Variants in EYS observed in about 807,000 individuals in gnomAD.
EYS encodes EGF-like photoreceptor maintenance factor.
A neutral mutation model predicts 282.1 loss-of-function variants in EYS; 250 were observed. The observed-to-expected ratio is 0.89, with a 90% confidence interval of 0.80 to 0.98. The LOEUF is 0.98. EYS is among the 50% of genes least tolerant of loss of function. The pLI is 0.00. For synonymous variants in EYS, 1,355 were observed against 1,282.9 expected, an observed-to-expected ratio of 1.06 and a Z score of -1.20; for missense variants, 4,016 against 3,709.0, an observed-to-expected ratio of 1.08 and a Z score of -2.15.
chr6:64,454,138 A>C (rs1207116390), intron 26 of EYS, among the ~76,000 whole-genome samples: 1 of 152,126 alleles, frequency 6.6e-6, no homozygotes. Flanking sequence ...ATAACATACA[A>C]AACAATCATC....
rs753300333 is a variant in EYS at position 65,603,390 on chromosome 6, A to G, written c.-333+36388T>C. 7.2e-5 allele frequency among the ~76,000 whole-genome samples: 11 copies of G among 151,968 alleles called. No individual in the cohort carries two copies. The South Asian group carries it at 8.3e-4, about 11-fold the overall frequency. ...GAATGATGGTCATTTGTCAATTGGG[A>G]TAATATCTCTGTAAGGTGTATGAGG... On this transcript the variant is annotated intron_variant, in intron 2 of 42. Transcript: ENST00000503581.
Position 64,600,427 on chromosome 6 carries a change from T to TA in EYS, c.3685-7119dup, listed in dbSNP as rs980188734. ...TGAAGATATCATTTACCCATAATAA[T>TA]AAAAAAACTCTAGTAATAATCAAAT... is the stretch of plus-strand genomic sequence containing the variant. On this transcript the variant is annotated intron_variant, in intron 24 of 42. Coordinates refer to ENST00000503581, the MANE Select transcript of EYS (RefSeq NM_001142800.2). 1.3e-4 allele frequency among the ~76,000 whole-genome samples: 20 copies of TA among 152,164 alleles called. No homozygotes were observed. In the South Asian group the frequency reaches 2.3e-3, roughly 17 times the overall value.
At chr6:64,324,574 G>A (rs562146024) in intron 29 of EYS, among the ~76,000 whole-genome samples, 1 of 152,216 alleles carries the variant, frequency 6.6e-6, no homozygotes, top group South Asian at 2.1e-4. Flanking sequence ...AGACAAGGAT[G>A]CCCCTCACAT....
intron 2 of EYS, among the ~76,000 whole-genome samples, chr6:65,622,009 A>G (rs1766518835): frequency 6.6e-6 from 1 of 152,146 alleles, no homozygotes; most frequent in Non-Finnish European, 1.5e-5. Flanking sequence ...ACAAAACTAA[A>G]AATAAGCAGT....
intron 13 of EYS, among the ~76,000 whole-genome samples, chr6:65,052,960 C>CA (rs1191049621): frequency 6.6e-6 from 1 of 151,544 alleles, no homozygotes; most frequent in Non-Finnish European, 1.5e-5. Flanking sequence ...CTACAGATAT[C>CA]AAAAAATATA....
intron 22 of EYS, among the ~76,000 whole-genome samples, chr6:64,812,823 A>T (rs1428013859): frequency 6.6e-6 from 1 of 151,992 alleles, no homozygotes; most frequent in African/African-American, 2.4e-5. Context: ...CAAATGACCA[A>T]TCCATTGGAT....
chr6:65,554,181 T>C (rs372253603), intron 2 of EYS, among the ~76,000 whole-genome samples: 1 of 152,162 alleles, frequency 6.6e-6, no homozygotes, highest in East Asian at 1.9e-4. Context: ...CTGTGTTAAA[T>C]TTTTGTTGTT....
At chr6:65,600,384 A>G (rs372982813) in intron 2 of EYS, among the ~76,000 whole-genome samples, 27 of 152,010 alleles carry the variant, frequency 1.8e-4, no homozygotes, top group Admixed American at 1.6e-3. Context: ...TTTTCTCCTC[A>G]TTGTTATTCC....
intron 19 of EYS, among the ~76,000 whole-genome samples, chr6:64,873,259 G>T (rs1583245972): frequency 6.6e-6 from 1 of 152,026 alleles, no homozygotes; most frequent in Non-Finnish European, 1.5e-5. Context: ...ATCAGATCTT[G>T]TGAGACTTAT....
At chr6:65,023,849 C>T (rs770035725) in intron 13 of EYS, among the ~76,000 whole-genome samples, 3 of 152,186 alleles carry the variant, frequency 2.0e-5, no homozygotes, top group Non-Finnish European at 4.4e-5. Flanking sequence ...CCTTCATATA[C>T]CACCACCTAG....
chr6:65,047,369 T>C (rs1446800968), intron 13 of EYS, among the ~76,000 whole-genome samples: 1 of 151,904 alleles, frequency 6.6e-6, no homozygotes, highest in Non-Finnish European at 1.5e-5. Flanking sequence ...CTGTTGATCT[T>C]GACAAAGTCC....
At chr6:65,449,044 C>T (rs1764306692) in intron 5 of EYS, among the ~76,000 whole-genome samples, 2 of 152,096 alleles carry the variant, frequency 1.3e-5, no homozygotes, top group Non-Finnish European at 2.9e-5. Context: ...ATATGCAATG[C>T]TTAATTTGCT....
At chr6:64,229,190 A>T (rs1381275519) in intron 31 of EYS, among the ~76,000 whole-genome samples, 1 of 152,072 alleles carries the variant, frequency 6.6e-6, no homozygotes, top group Non-Finnish European at 1.5e-5. Flanking sequence ...TAGGAGAATC[A>T]CTTGAACCTG....
intron 26 of EYS, among the ~76,000 whole-genome samples, chr6:64,521,949 A>C (rs548010501): frequency 6.6e-6 from 1 of 151,866 alleles, no homozygotes; most frequent in Admixed American, 6.6e-5. Context: ...ACTTATTTGC[A>C]ATGAGAAACA....
rs143229630 is a variant in EYS at position 64,979,750 on chromosome 6, T to G, written c.2259+17832A>C. Among the ~76,000 whole-genome samples the G allele has an allele frequency of 2.4e-3, 371 of 151,666 alleles. 2 individuals carry two copies. Among genetic ancestry groups the G allele is most frequent in the African/African-American group, 8.4e-3 (350 of 41,486 alleles). Reference sequence around the variant, plus strand: ...CTAACATATAATAAAGATAAAGGACTGTTAGTTATGCAAGAGAAGTGTTTA... The same window carrying G: ...CTAACATATAATAAAGATAAAGGACGGTTAGTTATGCAAGAGAAGTGTTTA... On this transcript the variant is annotated intron_variant, in intron 14 of 42. Coordinates refer to ENST00000503581, the MANE Select transcript of EYS (RefSeq NM_001142800.2).
rs116284553 is a variant in EYS, at chr6:65,263,225, C to A, written c.2023+32638G>T. ...TCATGGTGGGGTGCACTTGTAGTCC[C>A]AGCTACTCAGAAGGCTGAAGTGGGA... On this transcript the variant is annotated intron_variant, in intron 12 of 42. Coordinates refer to ENST00000503581, the MANE Select transcript of EYS (RefSeq NM_001142800.2). 4.8e-3 allele frequency among the ~76,000 whole-genome samples: 729 copies of A among 152,060 alleles called. 6 individuals are homozygous for A. The highest frequency in any genetic ancestry group is 0.017 in the African/African-American group (697 of 41,486).
chr6:64,002,397 G>A (rs1768138738), intron 33 of EYS, among the ~76,000 whole-genome samples: 1 of 152,198 alleles, frequency 6.6e-6, no homozygotes, highest in Non-Finnish European at 1.5e-5. Context: ...CTGGCCCCCT[G>A]CCCTTGCAGT....
At chr6:65,380,774 AG>A (rs1765580380) in intron 8 of EYS, among the ~76,000 whole-genome samples, 1 of 152,174 alleles carries the variant, frequency 6.6e-6, no homozygotes, top group Admixed American at 6.6e-5. Context: ...CAAATTTACA[AG>A]AAAAAAACAA....
intron 28 of EYS, among the ~76,000 whole-genome samples, chr6:64,393,197 T>C (rs898531086): frequency 2.0e-5 from 3 of 152,044 alleles, no homozygotes; most frequent in Non-Finnish European, 2.9e-5. Context: ...AATTCTACCA[T>C]AGGTACAAGG....
Sources: allele counts gnomAD v4.1 joint callset (sites outside exome capture counted in the v4.1 genomes callset), GRCh38; gene constraint gnomAD v4.1.1; transcripts MANE v1.5; gene names NCBI Gene and HGNC (gene_info 2026-07-23, HGNC 2026-07-21).